The following PTPRD variants were observed in gnomAD, a reference collection of about 807,000 sequenced individuals.
PTPRD encodes the protein protein tyrosine phosphatase receptor type D, also known as receptor-type tyrosine-protein phosphatase delta.
A neutral mutation model predicts 214.5 loss-of-function variants in PTPRD; 34 were observed. That is an observed-to-expected ratio of 0.16 (90% confidence interval 0.12 to 0.21). PTPRD has a LOEUF of 0.21. Ranked by LOEUF, PTPRD falls within the 10% of genes least tolerant of loss-of-function variation. The pLI is 1.00. For missense variants in PTPRD, 2,545 were observed against 2,398.7 expected (o/e 1.06, Z -1.27); for synonymous variants, 1,128 against 845.7 (o/e 1.33, Z -5.79).
chr9:9,515,411 G>A (rs1306226103), intron 8 of PTPRD, among the ~76,000 whole-genome samples: 1 of 151,898 alleles, frequency 6.6e-6, no homozygotes, highest in African/African-American at 2.4e-5. Flanking sequence ...CAGAGAATGA[G>A]GATAACTAAT....
chr9:9,345,610 A>G (rs183574541), intron 9 of PTPRD, among the ~76,000 whole-genome samples: 147 of 152,264 alleles, frequency 9.7e-4, no homozygotes, highest in African/African-American at 3.4e-3. Flanking sequence ...TAACTCCCCC[A>G]AGGTCATCCC....
intron 2 of PTPRD, among the ~76,000 whole-genome samples, chr9:10,471,933 G>A (rs2099033630): frequency 6.6e-6 from 1 of 151,862 alleles, no homozygotes; most frequent in African/African-American, 2.4e-5. Context: ...GAAGTCACAA[G>A]GCCCGACAAT....
intron 5 of PTPRD, among the ~76,000 whole-genome samples, chr9:9,907,145 G>A (rs1387289545): frequency 4.5e-5 from 6 of 132,974 alleles, no homozygotes; most frequent in Non-Finnish European, 8.0e-5. Context: ...GTCCTTTTTT[G>A]CCTATTCCCC....
chr9:8,708,325 T>C (rs1158053912), intron 12 of PTPRD, among the ~76,000 whole-genome samples: 2 of 151,946 alleles, frequency 1.3e-5, no homozygotes, highest in East Asian at 1.9e-4. Context: ...CTGGTGGAAA[T>C]GTAAATTAGT....
At position 9,957,853 on chromosome 9, in the gene PTPRD, A is replaced by G. The variant is rs1288470515; in HGVS notation, c.-471-19243T>C. On this transcript the variant is annotated intron_variant, in intron 4 of 45. Transcript: ENST00000381196. ...AACAAAAGATACACCGATCAACAGA[A>G]TAGAAGATTAGCACTATAAGACAGG... Among the ~76,000 whole-genome samples the G allele has an allele frequency of 5.9e-5, 9 of 152,242 alleles. No individual in the cohort carries two copies. In the East Asian group the frequency reaches 1.5e-3, roughly 26 times the overall value.
intron 5 of PTPRD, among the ~76,000 whole-genome samples, chr9:9,901,945 T>C (rs892086743): frequency 6.6e-6 from 1 of 152,216 alleles, no homozygotes; most frequent in African/African-American, 2.4e-5. Context: ...TTTATTTAGA[T>C]AGTCGTTAGG....
At chr9:9,344,350 A>G (rs919064594) in intron 9 of PTPRD, among the ~76,000 whole-genome samples, 3 of 152,104 alleles carry the variant, frequency 2.0e-5, no homozygotes, top group Admixed American at 6.6e-5. Flanking sequence ...AAGGGGAGAT[A>G]GAGCATTAGG....
At chr9:10,352,643 G>A (rs146300708) in intron 2 of PTPRD, among the ~76,000 whole-genome samples, 1 of 151,938 alleles carries the variant, frequency 6.6e-6, no homozygotes, top group Admixed American at 6.6e-5. Context: ...TGAATGTATT[G>A]CTTGTTCAAG....
chr9:8,787,777 C>T (rs1439388545), intron 11 of PTPRD, among the ~76,000 whole-genome samples: 1 of 152,140 alleles, frequency 6.6e-6, no homozygotes, highest in East Asian at 1.9e-4. Flanking sequence ...TGTACTGACT[C>T]TACCCTTTAT....
chr9:9,804,859 T>A (rs1030950592), intron 5 of PTPRD, among the ~76,000 whole-genome samples: 1 of 151,596 alleles, frequency 6.6e-6, no homozygotes, highest in South Asian at 2.1e-4. Flanking sequence ...ACATAAGCAA[T>A]TGAAATATTT....
Position 9,054,857 on chromosome 9 carries a change from C to T in PTPRD, c.-142-36122G>A, listed in dbSNP as rs2099693341. 2.0e-5 allele frequency among the ~76,000 whole-genome samples: 3 copies of T among 152,252 alleles called. No individual in the cohort carries two copies. In the South Asian group the frequency reaches 6.2e-4, roughly 32 times the overall value. On this transcript the variant is annotated intron_variant, in intron 10 of 45. Transcript: ENST00000381196. ...TCAAAATACTGTTTTATATTCTCTG[C>T]TAGTGTTGTGCAAGGGAACACAAAG...
chr9:8,977,696 T>C (rs1464928467), intron 11 of PTPRD, among the ~76,000 whole-genome samples: 1 of 150,834 alleles, frequency 6.6e-6, no homozygotes, highest in Non-Finnish European at 1.5e-5. Context: ...AGTCCTCAGT[T>C]GTCCCTTTGT....
chr9:8,676,378 ATTTTTTTT>A (rs559455727), intron 12 of PTPRD, among the ~76,000 whole-genome samples: 1 of 111,634 alleles, frequency 9.0e-6, no homozygotes, highest in African/African-American at 3.4e-5. Flanking sequence ...GCTCATTTTC[ATTTTTTTT>A]TTTTTTTTTT....
At chr9:8,485,131 A>T in intron 29 of PTPRD, 96 bp downstream of exon 29, 1 of 1,032,306 alleles carries the variant, frequency 9.7e-7, no homozygotes, top group Admixed American at 2.2e-5. Flanking sequence ...ACGTGGCCAA[A>T]ACAAAGTGGT....
At position 8,445,154 on chromosome 9, in the gene PTPRD, T is replaced by C. The variant is rs116763928; in HGVS notation, c.3988+4571A>G. Among the ~76,000 whole-genome samples, 359 of 152,324 alleles carry C rather than the reference T, an allele frequency of 2.4e-3. 2 individuals are homozygous for C. The highest frequency in any genetic ancestry group is 8.4e-3 in the African/African-American group (351 of 41,578). On this transcript the variant is annotated intron_variant, in intron 34 of 45. Transcript: ENST00000381196. ...AAATCTTAGCTAAATGATACCTTCC[T>C]ATATACTTAAGTCCCCATTTTAACT... is the stretch of plus-strand genomic sequence containing the variant.
intron 8 of PTPRD, among the ~76,000 whole-genome samples, chr9:9,472,219 C>T (rs1449513930): frequency 1.8e-5 from 2 of 111,800 alleles, no homozygotes; most frequent in Admixed American, 1.2e-4. Flanking sequence ...TTTTTTGAGA[C>T]GGAGTCTTGC....
chr9:10,079,505 A>G (rs1031066442), intron 3 of PTPRD, among the ~76,000 whole-genome samples: 1 of 152,056 alleles, frequency 6.6e-6, no homozygotes, highest in Non-Finnish European at 1.5e-5. Context: ...TGTTTTTCAC[A>G]TGGCTCTTTT....
intron 9 of PTPRD, among the ~76,000 whole-genome samples, chr9:9,269,761 A>G (rs1319920126): frequency 1.3e-5 from 2 of 151,268 alleles, no homozygotes; most frequent in East Asian, 3.9e-4. Flanking sequence ...GGACATAGAA[A>G]GAAAAATACT....
intron 2 of PTPRD, among the ~76,000 whole-genome samples, chr9:10,573,876 T>G (rs1053024228): frequency 2.6e-5 from 4 of 152,130 alleles, no homozygotes; most frequent in African/African-American, 9.7e-5. Context: ...CAGACCACCA[T>G]GGCACGTGTA....
Sources: allele counts gnomAD v4.1 joint callset (sites outside exome capture counted in the v4.1 genomes callset), GRCh38; gene constraint gnomAD v4.1.1; transcripts MANE v1.5; gene names NCBI Gene and HGNC (gene_info 2026-07-23, HGNC 2026-07-21).